Variants in TCF7L1 observed in about 807,000 individuals in gnomAD.
TCF7L1 encodes the protein transcription factor 7-like 1.
Under a neutral mutation model 63.7 loss-of-function variants are expected in TCF7L1, and 18 were observed. The observed-to-expected ratio is 0.28, with a 90% CI of 0.20 to 0.42. The LOEUF (loss-of-function observed/expected upper bound fraction) is 0.42. Ranked by LOEUF, TCF7L1 falls within the 10% of genes least tolerant of loss-of-function variation. The probability of loss-of-function intolerance (pLI) is 1.00; values close to 1 mark genes in which losing one functional copy is unlikely to be tolerated. For synonymous variants in TCF7L1, 355 were observed against 340.9 expected, an observed-to-expected ratio of 1.04 and a Z score of -0.46; for missense variants, 654 against 779.3, an observed-to-expected ratio of 0.84 and a Z score of 1.91.
chr2:85,309,651 CAA>C lies in TCF7L1; in HGVS notation c.*192_*193del, dbSNP rs1319167488. ...CTGATCTTAAGGCTTTTTTAAAAAACAAAACAAAACAACAAAAAAAAATCTTT... is the reference window on the plus strand; with the variant it reads ...CTGATCTTAAGGCTTTTTTAAAAAACAACAAAACAACAAAAAAAAATCTTT... On this transcript the variant is annotated 3_prime_UTR_variant, in exon 12 of 12. Coordinates refer to ENST00000282111, the MANE Select transcript of TCF7L1 (RefSeq NM_031283.3). The C allele has an allele frequency of 6.0e-6, 3 of 502,992 alleles. No homozygotes were observed. Among genetic ancestry groups the C allele is most frequent in the East Asian group, 3.3e-5 (1 of 30,174 alleles). 31.2% of individuals were successfully genotyped at this position (502,992 alleles called of 1,614,324 possible). A position where few individuals can be genotyped will look rare whatever the true frequency, so the allele number is the denominator to read the frequency against.
chr2:85,200,112 A>G (rs948900499), intron 3 of TCF7L1, among the ~76,000 whole-genome samples: 2 of 152,188 alleles, frequency 1.3e-5, no homozygotes, highest in African/African-American at 2.4e-5. Context: ...ATAATATCCC[A>G]TCGTGTGGAT....
At chr2:85,196,853 G>A (rs751669123) in intron 3 of TCF7L1, among the ~76,000 whole-genome samples, 1 of 152,168 alleles carries the variant, frequency 6.6e-6, no homozygotes, top group African/African-American at 2.4e-5. Context: ...AGTAAGTGAG[G>A]CATTCCCACT....
chr2:85,212,903 A>C (rs748130137), intron 3 of TCF7L1, among the ~76,000 whole-genome samples: 18 of 152,126 alleles, frequency 1.2e-4, no homozygotes, highest in Non-Finnish European at 1.9e-4. Flanking sequence ...CTTCTGTGTC[A>C]TTACGGGATT....
intron 3 of TCF7L1, among the ~76,000 whole-genome samples, chr2:85,162,014 G>T (rs1374429314): frequency 1.3e-5 from 2 of 152,038 alleles, no homozygotes; most frequent in Non-Finnish European, 2.9e-5. Flanking sequence ...CAAGATAGAG[G>T]TTTGGAGAGC....
intron 3 of TCF7L1, among the ~76,000 whole-genome samples, chr2:85,203,547 C>A (rs1258113820): frequency 6.6e-6 from 1 of 151,942 alleles, no homozygotes; most frequent in Non-Finnish European, 1.5e-5. Flanking sequence ...AGCAACATAG[C>A]AAGACCCTGT....
intron 3 of TCF7L1, chr2:85,262,161 T>C: frequency 5.5e-6 from 3 of 546,710 alleles, no homozygotes; most frequent in Non-Finnish European, 1.1e-5. Flanking sequence ...GTTCGTATAC[T>C]CATTAAAACC....
At chr2:85,300,781 CTCT>C (rs765480680) in intron 4 of TCF7L1, among the ~76,000 whole-genome samples, 8 of 149,872 alleles carry the variant, frequency 5.3e-5, no homozygotes, top group Non-Finnish European at 1.2e-4. Flanking sequence ...TTTTACAAAT[CTCT>C]TTTTTTTTTT....
chr2:85,256,790 G>T (rs993284880), intron 3 of TCF7L1, among the ~76,000 whole-genome samples: 26 of 152,072 alleles, frequency 1.7e-4, no homozygotes, highest in Non-Finnish European at 1.5e-4. Flanking sequence ...TTCGAGACCA[G>T]CCTGGCCAAC....
intron 3 of TCF7L1, among the ~76,000 whole-genome samples, chr2:85,239,325 C>T (rs1372421714): frequency 6.6e-6 from 1 of 152,142 alleles, no homozygotes; most frequent in African/African-American, 2.4e-5. Context: ...GCTCCCTGCC[C>T]TCCAGACCCC....
At chr2:85,221,112 G>C (rs1237400234) in intron 3 of TCF7L1, among the ~76,000 whole-genome samples, 2 of 152,128 alleles carry the variant, frequency 1.3e-5, no homozygotes, top group Admixed American at 6.6e-5. Context: ...CGGAAAAGAT[G>C]AAATAATTAG....
At chr2:85,139,279 T>A (rs961716151) in intron 3 of TCF7L1, among the ~76,000 whole-genome samples, 3 of 152,232 alleles carry the variant, frequency 2.0e-5, no homozygotes, top group African/African-American at 7.2e-5. Context: ...AGTGCTGGGA[T>A]TACAGGCGTG....
chr2:85,224,008 A>G (rs1321101727), intron 3 of TCF7L1, among the ~76,000 whole-genome samples: 4 of 151,624 alleles, frequency 2.6e-5, no homozygotes, highest in Non-Finnish European at 2.9e-5. Flanking sequence ...TCATTGTTCA[A>G]CTCCCACCTA....
intron 3 of TCF7L1, among the ~76,000 whole-genome samples, chr2:85,266,646 G>A (rs1171519154): frequency 1.3e-5 from 2 of 152,222 alleles, no homozygotes; most frequent in East Asian, 3.8e-4. Context: ...GGGGACTTGG[G>A]AACCACCAGG....
rs1682225162 is a variant in TCF7L1, at chr2:85,309,501, G to A, written c.*39G>A. On this transcript the variant is annotated 3_prime_UTR_variant, in exon 12 of 12. Transcript: ENST00000282111. Reference sequence around the variant, plus strand: ...CCTGCAGGCTGTCACATGACTCATTGAGTAGTAATGATTCAGAAGAAAAAG... The same window carrying A: ...CCTGCAGGCTGTCACATGACTCATTAAGTAGTAATGATTCAGAAGAAAAAG... 9 of 1,503,824 alleles carry A rather than the reference G, an allele frequency of 6.0e-6. No homozygotes were observed. Among genetic ancestry groups the A allele is most frequent in the Non-Finnish European group, 8.0e-6 (9 of 1,123,952 alleles). The allele number at this position is 1,503,824 out of a possible 1,614,324, so 93.2% of individuals were successfully genotyped here. A position where few individuals can be genotyped will look rare whatever the true frequency, so the allele number is the denominator to read the frequency against.
chr2:85,209,445 C>T (rs1377153587), intron 3 of TCF7L1, among the ~76,000 whole-genome samples: 1 of 152,226 alleles, frequency 6.6e-6, no homozygotes, highest in Non-Finnish European at 1.5e-5. Flanking sequence ...AATCCTGCTG[C>T]TTTTCCTGTG....
At chr2:85,208,348 C>T (rs1437214387) in intron 3 of TCF7L1, among the ~76,000 whole-genome samples, 2 of 152,160 alleles carry the variant, frequency 1.3e-5, no homozygotes, top group African/African-American at 2.4e-5. Flanking sequence ...CAGATGTCAC[C>T]TCTCAAGTCA....
chr2:85,251,936 G>A (rs1020822044), intron 3 of TCF7L1, among the ~76,000 whole-genome samples: 3 of 152,122 alleles, frequency 2.0e-5, no homozygotes, highest in African/African-American at 4.8e-5. Flanking sequence ...TTAGCCAGGC[G>A]TGGTGGCACG....
intron 3 of TCF7L1, among the ~76,000 whole-genome samples, chr2:85,183,261 C>A (rs889336644): frequency 6.6e-6 from 1 of 152,086 alleles, no homozygotes; most frequent in Non-Finnish European, 1.5e-5. Flanking sequence ...GGCATACATG[C>A]CTTTCAAGAA....
intron 3 of TCF7L1, among the ~76,000 whole-genome samples, chr2:85,145,521 T>C (rs1056934696): frequency 2.6e-5 from 4 of 152,244 alleles, no homozygotes; most frequent in Non-Finnish European, 5.9e-5. Flanking sequence ...CAAAAAAGGA[T>C]ATGTCAGGGT....
Sources: gnomAD v4.1 joint callset for allele counts (sites outside exome capture counted in the v4.1 genomes callset) on GRCh38, gnomAD v4.1.1 for gene constraint, MANE v1.5 for transcripts, NCBI Gene and HGNC (gene_info 2026-07-23, HGNC 2026-07-21) for gene names.